The following GABRG3 variants were observed in gnomAD, a reference collection of about 807,000 sequenced individuals.
GABRG3 encodes gamma-aminobutyric acid type A receptor subunit gamma3.
Under a neutral mutation model 48.8 loss-of-function variants are expected in GABRG3, and 25 were observed. That is an observed-to-expected ratio of 0.51 (90% confidence interval 0.37 to 0.72). The LOEUF (loss-of-function observed/expected upper bound fraction) is 0.72. Among genes scored for constraint, GABRG3 ranks in the 30% least tolerant of loss-of-function variants. The pLI, the probability that GABRG3 is intolerant of heterozygous loss-of-function variation, is 0.00. For missense variants in GABRG3, 394 were observed against 577.9 expected (o/e 0.68, Z 3.26); for synonymous variants, 227 against 217.6 (o/e 1.04, Z -0.38).
At chr15:27,139,216 G>A (rs1898061551) in intron 3 of GABRG3, among the ~76,000 whole-genome samples, 1 of 152,216 alleles carries the variant, frequency 6.6e-6, no homozygotes, top group Non-Finnish European at 1.5e-5. Flanking sequence ...GGAAGCTGAT[G>A]ATGTTACTCT....
chr15:27,373,797 A>G (rs1343789277), intron 5 of GABRG3, among the ~76,000 whole-genome samples: 1 of 152,138 alleles, frequency 6.6e-6, no homozygotes, highest in Admixed American at 6.5e-5. Flanking sequence ...TTATCTATAA[A>G]CATTCAAATT....
chr15:27,080,974 T>C (rs1427695137), intron 3 of GABRG3, among the ~76,000 whole-genome samples: 1 of 152,098 alleles, frequency 6.6e-6, no homozygotes, highest in Non-Finnish European at 1.5e-5. Context: ...GACAGAGACC[T>C]CTCGGAGAAG....
intron 2 of GABRG3, among the ~76,000 whole-genome samples, chr15:26,993,666 T>C (rs1895287705): frequency 6.6e-6 from 1 of 152,086 alleles, no homozygotes; most frequent in Admixed American, 6.5e-5. Flanking sequence ...GAGAAAAATG[T>C]GTTTTCTGCA....
At chr15:27,149,484 A>G (rs969049391) in intron 3 of GABRG3, among the ~76,000 whole-genome samples, 3 of 152,174 alleles carry the variant, frequency 2.0e-5, no homozygotes, top group African/African-American at 7.2e-5. Flanking sequence ...TTGACAAGCT[A>G]TTCCAAAAAT....
chr15:27,132,565 A>G (rs955071734), intron 3 of GABRG3, among the ~76,000 whole-genome samples: 44 of 117,506 alleles, frequency 3.7e-4, no homozygotes, highest in African/African-American at 1.4e-3. Flanking sequence ...GAAGTTTTCT[A>G]TTTCATCTGG....
intron 3 of GABRG3, among the ~76,000 whole-genome samples, chr15:27,115,113 T>C (rs777318501): frequency 6.8e-6 from 1 of 147,424 alleles, no homozygotes; most frequent in Non-Finnish European, 1.5e-5. Context: ...ACTTCTGTAA[T>C]TTTTTTTTTT....
At chr15:26,989,710 T>G (rs761000686) in intron 2 of GABRG3, among the ~76,000 whole-genome samples, 1 of 152,174 alleles carries the variant, frequency 6.6e-6, no homozygotes, top group African/African-American at 2.4e-5. Context: ...TGCTATCAAA[T>G]ACTAGGTCTT....
intron 3 of GABRG3, among the ~76,000 whole-genome samples, chr15:27,034,047 C>T (rs1896134048): frequency 6.6e-6 from 1 of 152,174 alleles, no homozygotes; most frequent in Admixed American, 6.5e-5. Flanking sequence ...AACAGGATCT[C>T]CAGATCATTG....
At chr15:27,174,584 G>A (rs1461622201) in intron 3 of GABRG3, among the ~76,000 whole-genome samples, 4 of 139,750 alleles carry the variant, frequency 2.9e-5, no homozygotes, top group East Asian at 2.1e-4. Flanking sequence ...TCTCTCTCTC[G>A]TCTCTCTCTC....
intron 5 of GABRG3, among the ~76,000 whole-genome samples, chr15:27,371,979 C>T (rs1024731759): frequency 9.9e-5 from 15 of 152,106 alleles, no homozygotes; most frequent in Admixed American, 7.9e-4. Flanking sequence ...TAGTAAATAT[C>T]ACTTCGATGT....
intron 3 of GABRG3, among the ~76,000 whole-genome samples, chr15:27,036,286 C>G (rs138350179): frequency 6.6e-6 from 1 of 152,262 alleles, no homozygotes; most frequent in South Asian, 2.1e-4. Context: ...AGCTCCTAGG[C>G]GCCAGATCAC....
chr15:27,068,539 C>G (rs1350003841), intron 3 of GABRG3, among the ~76,000 whole-genome samples: 1 of 152,234 alleles, frequency 6.6e-6, no homozygotes, highest in Non-Finnish European at 1.5e-5. Flanking sequence ...TCTTCAGCAT[C>G]CTCTGCTGAC....
chr15:27,267,362 C>A (rs1890953659), intron 3 of GABRG3, among the ~76,000 whole-genome samples: 1 of 152,096 alleles, frequency 6.6e-6, no homozygotes, highest in South Asian at 2.1e-4. Context: ...CTGCCTCAGT[C>A]TCCCAAAGTG....
intron 3 of GABRG3, among the ~76,000 whole-genome samples, chr15:27,054,957 G>A (rs1896516617): frequency 6.6e-6 from 1 of 151,532 alleles, no homozygotes; most frequent in African/African-American, 2.4e-5. Context: ...TCAAACCTGA[G>A]AGTGAAACTG....
intron 3 of GABRG3, among the ~76,000 whole-genome samples, chr15:27,324,820 T>C (rs2140517246): frequency 6.6e-6 from 1 of 152,346 alleles, no homozygotes; most frequent in South Asian, 2.1e-4. Flanking sequence ...AGGGCTTTAC[T>C]CTGAGCCTTT....
At chr15:27,078,424 T>C (rs894595665) in intron 3 of GABRG3, among the ~76,000 whole-genome samples, 8 of 152,218 alleles carry the variant, frequency 5.3e-5, no homozygotes, top group African/African-American at 1.7e-4. Flanking sequence ...ACTTCTAACT[T>C]TGAAAAACCA....
At chr15:27,295,330 A>G (rs2140489129) in intron 3 of GABRG3, 1 of 152,322 alleles carries the variant, frequency 6.6e-6, no homozygotes, top group East Asian at 1.9e-4. Flanking sequence ...TAATTGGTGT[A>G]AAGCCTTATT....
chr15:27,149,488 C>T (rs1336451114), intron 3 of GABRG3, among the ~76,000 whole-genome samples: 1 of 151,944 alleles, frequency 6.6e-6, no homozygotes, highest in African/African-American at 2.4e-5. Context: ...CAAGCTATTC[C>T]AAAAATGTGT....
intron 6 of GABRG3, among the ~76,000 whole-genome samples, chr15:27,497,929 A>G (rs551687174): frequency 2.0e-5 from 3 of 152,294 alleles, no homozygotes; most frequent in African/African-American, 7.2e-5. Flanking sequence ...CATCTGCAAC[A>G]GGTTTTTGAT....
Sources: allele counts gnomAD v4.1 joint callset (sites outside exome capture counted in the v4.1 genomes callset), GRCh38; gene constraint gnomAD v4.1.1; transcripts MANE v1.5; gene names NCBI Gene and HGNC (gene_info 2026-07-23, HGNC 2026-07-21).